SHPK: variants seen among roughly 807,000 people sequenced by gnomAD.
SHPK encodes sedoheptulokinase, also known as carbohydrate kinase-like protein.
In SHPK, 51 loss-of-function variants were observed where a neutral mutation model predicts 46.3. The observed-to-expected ratio is 1.10, with a 90% CI of 0.88 to 1.39. The LOEUF (loss-of-function observed/expected upper bound fraction) is 1.39. Among genes scored for constraint, SHPK ranks in the 40% most tolerant of loss-of-function variants. The probability of loss-of-function intolerance (pLI) is 0.00; values close to 1 mark genes in which losing one functional copy is unlikely to be tolerated. For synonymous variants in SHPK, 290 were observed against 273.9 expected, an observed-to-expected ratio of 1.06 and a Z score of -0.58; for missense variants, 668 against 641.3, an observed-to-expected ratio of 1.04 and a Z score of -0.45.
chr17:3,625,202 C>T (rs2075426031), intron 2 of SHPK, among the ~76,000 whole-genome samples: 1 of 152,212 alleles, frequency 6.6e-6, no homozygotes, highest in African/African-American at 2.4e-5. Flanking sequence ...AGTTCCTTCC[C>T]TTCAATGCTT....
At chr17:3,622,845 C>A (rs974786025) in intron 4 of SHPK, among the ~76,000 whole-genome samples, 2 of 151,874 alleles carry the variant, frequency 1.3e-5, no homozygotes, top group Admixed American at 6.6e-5. Flanking sequence ...GCTGGGATTA[C>A]AGGCGCACTC....
intron 2 of SHPK, among the ~76,000 whole-genome samples, chr17:3,625,575 C>A (rs1436923286): frequency 2.0e-5 from 3 of 152,138 alleles, no homozygotes; most frequent in Admixed American, 1.3e-4. Context: ...GCCACCGTGA[C>A]CCCCTGGACC....
chr17:3,635,991 G>A, intron 1 of SHPK, 61 bp downstream of exon 1: 1 of 1,453,012 alleles, frequency 6.9e-7, no homozygotes, highest in South Asian at 1.3e-5. Context: ...AGGCCTCCTG[G>A]GGTGGAAAAG....
intron 2 of SHPK, among the ~76,000 whole-genome samples, chr17:3,627,716 G>A (rs1385722367): frequency 2.6e-5 from 4 of 151,412 alleles, no homozygotes; most frequent in African/African-American, 7.3e-5. Flanking sequence ...TGGTTTGTGT[G>A]GTTGTTAGAG....
chr17:3,621,369 C>A lies in SHPK; in HGVS notation c.691G>T (p.Ala231Ser). Residue 231 changes from alanine to serine, a missense_variant, in exon 5 of 7, where the codon GCC becomes TCC. Physicochemically the swap from Ala to Ser is moderately conservative, Grantham distance 99. Transcript: ENST00000225519. ...GFPVHLLPDI[A>S]EPGSVAGRTS... ...CTGCCCGCCACACTGCCAGGCTCGG[C>A]GATGTCTGGGAGCAGGTGGACAGGA... 6.2e-7 allele frequency: 1 copy of A among 1,614,090 alleles called. No individual in the cohort carries two copies. Among genetic ancestry groups the A allele is most frequent in the Non-Finnish European group, 8.5e-7 (1 of 1,179,994 alleles).
chr17:3,619,732 CAAAAA>C, intron 5 of SHPK: 7 of 287,204 alleles, frequency 2.4e-5, no homozygotes, highest in South Asian at 5.9e-5. Flanking sequence ...GACTCCATCT[CAAAAA>C]AAAAAAAAAA....
At chr17:3,615,721 GA>G (rs2075368208) in intron 5 of SHPK, among the ~76,000 whole-genome samples, 184 bp from the exon 6 acceptor site, 1 of 151,546 alleles carries the variant, frequency 6.6e-6, no homozygotes, top group Non-Finnish European at 1.5e-5. Context: ...TTGGCAGTGA[GA>G]GGGGGTGGCC....
At chr17:3,618,057 T>C (rs1158988865) in intron 5 of SHPK, among the ~76,000 whole-genome samples, 1 of 152,170 alleles carries the variant, frequency 6.6e-6, no homozygotes, top group Non-Finnish European at 1.5e-5. Context: ...GTGCTAGGAG[T>C]CTGGTGCTAC....
chr17:3,630,416 G>A, intron 1 of SHPK, 70 bp from the exon 2 acceptor site: 1 of 1,454,212 alleles, frequency 6.9e-7, no homozygotes, highest in South Asian at 1.3e-5. Context: ...GGCCTCCCGG[G>A]ATGTCCTGGA....
At chr17:3,632,097 T>C (rs1053000900) in intron 1 of SHPK, among the ~76,000 whole-genome samples, 6 of 151,224 alleles carry the variant, frequency 4.0e-5, no homozygotes, top group Admixed American at 4.0e-4. Flanking sequence ...CCTGGGACTA[T>C]AGGTGCGCGC....
chr17:3,625,345 T>C (rs557317436), intron 2 of SHPK, among the ~76,000 whole-genome samples: 2 of 152,318 alleles, frequency 1.3e-5, no homozygotes, highest in East Asian at 3.9e-4. Flanking sequence ...GTGGAGGCAG[T>C]CACATCTTGG....
At position 3,624,238 on chromosome 17, in the gene SHPK, C is replaced by A; in HGVS notation, c.311-7G>T. The A allele has an allele frequency of 6.3e-7, 1 of 1,595,364 alleles. No homozygotes were observed. Among genetic ancestry groups the A allele is most frequent in the Admixed American group, 1.7e-5 (1 of 58,628 alleles). On this transcript the variant is annotated splice_region_variant and splice_polypyrimidine_tract_variant and intron_variant, in intron 2 of 6. Transcript: ENST00000225519. ...CCCTCTGTCCATTCACAGCCTGGAA[C>A]AAAAGAGATGACCAAAAATGAAGAA... is the stretch of plus-strand genomic sequence containing the variant.
At chr17:3,633,095 C>T (rs1195265433) in intron 1 of SHPK, among the ~76,000 whole-genome samples, 3 of 150,522 alleles carry the variant, frequency 2.0e-5, no homozygotes, top group African/African-American at 7.3e-5. Context: ...TCTCCTGCCT[C>T]AGCCTCCCAA....
At chr17:3,620,293 C>T (rs1199663936) in intron 5 of SHPK, among the ~76,000 whole-genome samples, 1 of 151,542 alleles carries the variant, frequency 6.6e-6, no homozygotes, top group African/African-American at 2.4e-5. Flanking sequence ...CAGAGTCTTG[C>T]TCTGTCGCCC....
At chr17:3,611,402 C>G (rs1258223775) in intron 6 of SHPK, among the ~76,000 whole-genome samples, 1 of 152,184 alleles carries the variant, frequency 6.6e-6, no homozygotes, top group Non-Finnish European at 1.5e-5. Context: ...AACCCTGTCT[C>G]TACTAAAAGT....
rs764869140 is a variant in SHPK at position 3,623,439 on chromosome 17, C to G, written c.547G>C (p.Val183Leu). 1 of 1,614,162 alleles carries G rather than the reference C, an allele frequency of 6.2e-7. No individual in the cohort carries two copies. Among genetic ancestry groups the G allele is most frequent in the Admixed American group, 1.7e-5 (1 of 60,028 alleles). Residue 183 changes from valine to leucine, a missense_variant, in exon 4 of 7, where the codon GTT becomes CTT. Transcript: ENST00000225519. ...DAAGTIHDYV[V>L]AMLCGLPRPL... ...CTTGGCAAGCCACACAGCATGGCAA[C>G]CACATAGTCGTGGATGGTACCGGCT...
In SHPK at chr17:3,615,498, A is replaced by AT; in HGVS notation, c.862dup (p.Met288AsnfsTer59). The AT allele has an allele frequency of 1.9e-6, 3 of 1,614,194 alleles. No homozygotes were observed. Among genetic ancestry groups the AT allele is most frequent in the Non-Finnish European group, 2.5e-6 (3 of 1,180,026 alleles). The stretch of plus-strand genomic sequence containing the variant: ...CTGTGCAGGCTGGAATCCTGAAGGC[A>AT]TGGAGGCTGCCAGCTGAACCGAGGT... On this transcript the variant is annotated frameshift_variant, in exon 6 of 7. Transcript: ENST00000225519. LOFTEE classifies it high-confidence loss of function.
At chr17:3,618,127 GAC>G (rs1331026174) in intron 5 of SHPK, among the ~76,000 whole-genome samples, 1 of 152,094 alleles carries the variant, frequency 6.6e-6, no homozygotes, top group Non-Finnish European at 1.5e-5. Flanking sequence ...TTGTTTTTGA[GAC>G]AGAGTCTCAC....
rs570066157 is a variant in SHPK, at chr17:3,611,798, G to GT, written c.1025-827dup. 8.8e-3 allele frequency among the ~76,000 whole-genome samples: 811 copies of GT among 92,118 alleles called. 12 individuals are homozygous for GT. The highest frequency in any genetic ancestry group is 0.025 in the African/African-American group (534 of 21,672). The allele number at this position is 92,118 out of a possible 152,430, so 60.4% of individuals were successfully genotyped here. On this transcript the variant is annotated intron_variant, in intron 6 of 6. Coordinates refer to ENST00000225519, the MANE Select transcript of SHPK (RefSeq NM_013276.4). ...CCCTGACACCACGTTAGCTCTGCGG[G>GT]TTTTTTTTTTTTTTTTTTTTTTTCT... is the stretch of plus-strand genomic sequence containing the variant.
Sources: gnomAD v4.1 joint callset for allele counts (sites outside exome capture counted in the v4.1 genomes callset) on GRCh38, gnomAD v4.1.1 for gene constraint, MANE v1.5 for transcripts, NCBI Gene and HGNC (gene_info 2026-07-23, HGNC 2026-07-21) for gene names.